Variants in TSPAN9 observed in about 807,000 individuals in gnomAD.
The protein encoded by TSPAN9 is tetraspanin 9.
In TSPAN9, 16 loss-of-function variants were observed where a neutral mutation model predicts 31.0. The ratio of observed to expected loss-of-function variants is 0.52; its 90% CI spans 0.35 to 0.78. The LOEUF is 0.78. Ranked by LOEUF, TSPAN9 falls within the 30% of genes least tolerant of loss-of-function variation. TSPAN9 has a pLI of 0.01. For synonymous variants in TSPAN9, 145 were observed against 121.6 expected (o/e 1.19, Z -1.27); for missense variants, 272 against 312.5 (o/e 0.87, Z 0.98).
At chr12:3,215,081 C>G (rs977524062) in intron 3 of TSPAN9, among the ~76,000 whole-genome samples, 10 of 152,184 alleles carry the variant, frequency 6.6e-5, no homozygotes, top group Admixed American at 2.0e-4. Flanking sequence ...CTTCCCACCC[C>G]CATCCCCAAG....
At chr12:3,164,769 C>G (rs565851184) in intron 2 of TSPAN9, among the ~76,000 whole-genome samples, 1 of 152,340 alleles carries the variant, frequency 6.6e-6, no homozygotes, top group African/African-American at 2.4e-5. Context: ...CGGTATAGCA[C>G]TCCAGGTTGC....
At chr12:3,248,622 G>T (rs1400890942) in intron 3 of TSPAN9, among the ~76,000 whole-genome samples, 1 of 45,908 alleles carries the variant, frequency 2.2e-5, no homozygotes, top group Non-Finnish European at 1.1e-4. Context: ...GTGAGCCTGG[G>T]AGGTGGAATA....
chr12:3,256,670 G>A (rs549478267), intron 3 of TSPAN9, among the ~76,000 whole-genome samples: 9 of 152,260 alleles, frequency 5.9e-5, no homozygotes, highest in Admixed American at 2.6e-4. Context: ...CCCCAGCGGC[G>A]CCCCTGATCT....
intron 3 of TSPAN9, among the ~76,000 whole-genome samples, chr12:3,274,063 C>T (rs1049800833): frequency 6.6e-6 from 1 of 152,190 alleles, no homozygotes; most frequent in African/African-American, 2.4e-5. Context: ...GTTTCTCAAA[C>T]TCTATTGACA....
At chr12:3,195,515 T>C (rs1004380940) in intron 2 of TSPAN9, among the ~76,000 whole-genome samples, 8 of 152,198 alleles carry the variant, frequency 5.3e-5, no homozygotes, top group African/African-American at 1.7e-4. Context: ...ACCTGCCAGC[T>C]TGCCTGGGTG....
At chr12:3,179,197 T>A (rs2098357482) in intron 2 of TSPAN9, among the ~76,000 whole-genome samples, 1 of 152,012 alleles carries the variant, frequency 6.6e-6, no homozygotes, top group African/African-American at 2.4e-5. Context: ...CCTGGAACCA[T>A]GGATGCCGCA....
intron 3 of TSPAN9, among the ~76,000 whole-genome samples, chr12:3,224,364 A>G (rs923705298): frequency 6.6e-6 from 1 of 152,220 alleles, no homozygotes; most frequent in African/African-American, 2.4e-5. Flanking sequence ...GTGGAGTAAG[A>G]GCCCTTGGAG....
intron 2 of TSPAN9, among the ~76,000 whole-genome samples, chr12:3,114,240 A>G (rs1463915960): frequency 6.6e-6 from 1 of 152,182 alleles, no homozygotes; most frequent in Non-Finnish European, 1.5e-5. Context: ...TGTTCCAAAA[A>G]ATGTATTTAC....
chr12:3,099,635 A>T (rs998814370), intron 2 of TSPAN9, among the ~76,000 whole-genome samples: 1 of 152,006 alleles, frequency 6.6e-6, no homozygotes, highest in Non-Finnish European at 1.5e-5. Context: ...GGGTTTTGTT[A>T]TATTTCCTTG....
chr12:3,282,179 A>G (rs10082965), intron 8 of TSPAN9: 66,042 of 601,894 alleles, frequency 0.11, 3,865 homozygotes, highest in Middle Eastern at 0.13. Context: ...TGCACATGGC[A>G]CACTCTCTGT....
At chr12:3,261,968 C>G (rs2153979111) in intron 3 of TSPAN9, among the ~76,000 whole-genome samples, 1 of 152,348 alleles carries the variant, frequency 6.6e-6, no homozygotes, top group South Asian at 2.1e-4. Flanking sequence ...GGGGCAGAGT[C>G]TGCAGGATTA....
At chr12:3,218,908 GC>G (rs1409999897) in intron 3 of TSPAN9, among the ~76,000 whole-genome samples, 1 of 152,108 alleles carries the variant, frequency 6.6e-6, no homozygotes, top group East Asian at 1.9e-4. Context: ...TATAGCTGGA[GC>G]CCCCCAAAGA....
At chr12:3,260,453 T>G (rs1203448811) in intron 3 of TSPAN9, among the ~76,000 whole-genome samples, 1 of 152,136 alleles carries the variant, frequency 6.6e-6, no homozygotes, top group African/African-American at 2.4e-5. Flanking sequence ...AAGTGGAAAC[T>G]TTTCCCCAGG....
At chr12:3,096,500 G>A (rs1418503676) in intron 2 of TSPAN9, among the ~76,000 whole-genome samples, 1 of 151,930 alleles carries the variant, frequency 6.6e-6, no homozygotes, top group Non-Finnish European at 1.5e-5. Context: ...TTTTCTCATT[G>A]CCTGGCACCT....
At chr12:3,174,966 C>T (rs375391191) in intron 2 of TSPAN9, among the ~76,000 whole-genome samples, 1 of 151,944 alleles carries the variant, frequency 6.6e-6, no homozygotes, top group South Asian at 2.1e-4. Context: ...CCTTACACCC[C>T]CTGCCCTGCC....
rs1375497566 is a variant in TSPAN9, at chr12:3,264,318, C to T, written c.64-14103C>T. Among the ~76,000 whole-genome samples the T allele has an allele frequency of 2.0e-5, 3 of 152,302 alleles. No individual in the cohort carries two copies. The East Asian group carries it at 5.8e-4, about 29-fold the overall frequency. ...CGGCCCCTTCTGGGTCACAGAACAGCTTCCCGCCCGCCAGCCCGCCTCAAC... is the reference window on the plus strand; with the variant it reads ...CGGCCCCTTCTGGGTCACAGAACAGTTTCCCGCCCGCCAGCCCGCCTCAAC... On this transcript the variant is annotated intron_variant, in intron 3 of 8. Coordinates refer to ENST00000011898, the MANE Select transcript of TSPAN9 (RefSeq NM_006675.5).
At chr12:3,281,159 A>G (rs1218395553) in intron 6 of TSPAN9, 39 bp from the exon 7 acceptor site, 2 of 1,549,598 alleles carry the variant, frequency 1.3e-6, no homozygotes, top group African/African-American at 1.4e-5. Flanking sequence ...GGGGCGGGCC[A>G]TGGCATGTCT....
chr12:3,079,945 A>ATT lies in TSPAN9; in HGVS notation c.-85+2507_-85+2508dup, dbSNP rs533753373. 5.8e-4 allele frequency among the ~76,000 whole-genome samples: 81 copies of ATT among 140,358 alleles called. 2 individuals carry two copies. The highest frequency in any genetic ancestry group is 7.3e-4 in the Non-Finnish European group (47 of 64,642). 92.1% of individuals were successfully genotyped at this position (140,358 alleles called of 152,430 possible). On this transcript the variant is annotated intron_variant, in intron 1 of 8. Transcript: ENST00000011898. ...GCCCCATGCTCAGATAATTAAAAAA[A>ATT]TTTTTTTTTTTTTTTTGGTAGAGAC... is the stretch of plus-strand genomic sequence containing the variant.
intron 3 of TSPAN9, among the ~76,000 whole-genome samples, chr12:3,223,392 T>A (rs2098385553): frequency 6.6e-6 from 1 of 152,162 alleles, no homozygotes; most frequent in Non-Finnish European, 1.5e-5. Flanking sequence ...GGCTGGGGAC[T>A]GTCATGTTGA....
Sources: allele counts gnomAD v4.1 joint callset (sites outside exome capture counted in the v4.1 genomes callset), GRCh38; gene constraint gnomAD v4.1.1; transcripts MANE v1.5; gene names NCBI Gene and HGNC (gene_info 2026-07-23, HGNC 2026-07-21).